Variants in ALPK2 observed in about 807,000 individuals in gnomAD.
ALPK2 encodes the protein alpha kinase 2, also known as alpha-protein kinase 2.
In ALPK2, 127 loss-of-function variants were observed where a neutral mutation model predicts 163.1. That is an observed-to-expected ratio of 0.78 (90% confidence interval 0.67 to 0.90). The LOEUF is 0.90. Ranked by LOEUF, ALPK2 falls within the 40% of genes least tolerant of loss-of-function variation. ALPK2 has a pLI of 0.00. For synonymous variants in ALPK2, 953 were observed against 959.1 expected (o/e 0.99, Z 0.12); for missense variants, 2,360 against 2,589.6 (o/e 0.91, Z 1.92).
In ALPK2 at chr18:58,497,545, CTAAT is replaced by C. The variant is rs2051407076; in HGVS notation, c.6296+500_6296+503del. The stretch of plus-strand genomic sequence containing the variant: ...TAAAGCCATCATCAAAAACAGGTAA[CTAAT>C]CACAGCTCTGCCAGAGACATTGCCT... On this transcript the variant is annotated intron_variant, in intron 12 of 12. Transcript: ENST00000361673. Among the ~76,000 whole-genome samples the C allele has an allele frequency of 2.6e-5, 4 of 152,338 alleles. No individual in the cohort carries two copies. In the South Asian group the frequency reaches 8.3e-4, roughly 32 times the overall value.
intron 3 of ALPK2, among the ~76,000 whole-genome samples, chr18:58,597,930 A>G (rs1181062448): frequency 6.6e-6 from 1 of 152,252 alleles, no homozygotes; most frequent in Non-Finnish European, 1.5e-5. Context: ...ATGTGAGAAC[A>G]TAGTGAGAAG....
At chr18:58,539,240 A>G (rs2051676914) in intron 4 of ALPK2, among the ~76,000 whole-genome samples, 1 of 152,162 alleles carries the variant, frequency 6.6e-6, no homozygotes, top group Admixed American at 6.5e-5. Flanking sequence ...AACATCCCAG[A>G]ATGTATCCCA....
chr18:58,527,326 T>C (rs1184006674), intron 6 of ALPK2, among the ~76,000 whole-genome samples: 2 of 152,194 alleles, frequency 1.3e-5, no homozygotes, highest in African/African-American at 2.4e-5. Flanking sequence ...AATAAACAAA[T>C]GAATTATAAC....
At chr18:58,591,962 C>T (rs1246913394) in intron 3 of ALPK2, among the ~76,000 whole-genome samples, 2 of 152,148 alleles carry the variant, frequency 1.3e-5, no homozygotes, top group Non-Finnish European at 2.9e-5. Flanking sequence ...GTTTTCCATC[C>T]CATACTAAGG....
chr18:58,495,569 G>A (rs1047863102), intron 12 of ALPK2, among the ~76,000 whole-genome samples: 2 of 152,096 alleles, frequency 1.3e-5, no homozygotes, highest in Admixed American at 6.5e-5. Flanking sequence ...GCTCCCAGTC[G>A]GTCTGGGTTC....
In ALPK2 at chr18:58,537,904, G is replaced by C; in HGVS notation, c.2283C>G (p.Pro761=). The change falls in exon 5 of 13, where the codon CCC becomes CCG. Residue 761 remains proline, a synonymous_variant. Transcript: ENST00000361673. ...CCCTGAAGTCAGCACGAGCATCCTT[G>C]GGGAGATGCCTTGAGAACACACCTG... ...MSPGVFSRHL[P]KDARADFREP... is the part of the protein sequence containing the mutation. The C allele has an allele frequency of 1.9e-6, 3 of 1,614,188 alleles. No homozygotes were observed. Among genetic ancestry groups the C allele is most frequent in the Non-Finnish European group, 2.5e-6 (3 of 1,180,032 alleles).
intron 9 of ALPK2, 135 bp downstream of exon 9, chr18:58,516,773 A>G: frequency 9.2e-7 from 1 of 1,091,076 alleles, no homozygotes; most frequent in South Asian, 1.6e-5. Context: ...CAGCATTGAG[A>G]TTGAATTGAA....
chr18:58,509,113 CTA>C (rs1337540832), intron 10 of ALPK2, among the ~76,000 whole-genome samples: 2 of 146,126 alleles, frequency 1.4e-5, no homozygotes, highest in Non-Finnish European at 3.0e-5. Context: ...CAATTCCCAA[CTA>C]TGAATGAGAA....
At chr18:58,482,827 G>A (rs1030719384) in intron 12 of ALPK2, among the ~76,000 whole-genome samples, 2 of 152,158 alleles carry the variant, frequency 1.3e-5, no homozygotes, top group African/African-American at 4.8e-5. Flanking sequence ...ATGGACAGCT[G>A]CCCAGCCCCT....
chr18:58,622,693 C>G (rs2052208186), intron 1 of ALPK2, among the ~76,000 whole-genome samples: 1 of 152,208 alleles, frequency 6.6e-6, no homozygotes, highest in South Asian at 2.1e-4. Context: ...GCCGACTGCT[C>G]TGTCCAGTCT....
rs1233526630 is a variant in ALPK2 at position 58,579,434 on chromosome 18, TC to T, written c.1341del (p.Arg448AspfsTer44). ...TCGGGAGCAGTGGGGAGTTTATATCTCCCCTGTTCTGTCACTGAAGACGTTC... is the reference window on the plus strand; with the variant it reads ...TCGGGAGCAGTGGGGAGTTTATATCTCCCTGTTCTGTCACTGAAGACGTTC... ...QDGTSSVTEQ[G>X]RYKLPTAPEA... On this transcript the variant is annotated frameshift_variant, in exon 4 of 13. Coordinates refer to ENST00000361673, the MANE Select transcript of ALPK2 (RefSeq NM_052947.4). LOFTEE classifies it high-confidence loss of function. The T allele has an allele frequency of 6.2e-7, 1 of 1,613,948 alleles. No individual in the cohort carries two copies. Among genetic ancestry groups the T allele is most frequent in the East Asian group, 2.2e-5 (1 of 44,886 alleles).
intron 4 of ALPK2, 81 bp downstream of exon 4, chr18:58,578,733 G>GACACACACGCGCGCGCGCGCGCACAC: frequency 3.8e-6 from 2 of 530,150 alleles, no homozygotes; most frequent in South Asian, 2.8e-5. Context: ...TAAAGGAAGA[G>GACACACACGCGCGCGCGCGCGCACAC]ACACACACAC....
At chr18:58,485,362 G>T (rs2051333200) in intron 12 of ALPK2, among the ~76,000 whole-genome samples, 1 of 152,160 alleles carries the variant, frequency 6.6e-6, no homozygotes, top group Non-Finnish European at 1.5e-5. Flanking sequence ...TGCAATCCAA[G>T]CTGGGTTTTT....
intron 10 of ALPK2, among the ~76,000 whole-genome samples, chr18:58,512,918 TGATGTGTGG>T (rs1174023645): frequency 9.1e-4 from 82 of 89,998 alleles, no homozygotes; most frequent in African/African-American, 1.6e-3. Context: ...GGTGTATGTG[TGATGTGTGG>T]GGTGTGTGGG....
At chr18:58,587,586 A>T (rs768338630) in intron 3 of ALPK2, among the ~76,000 whole-genome samples, 15 of 152,238 alleles carry the variant, frequency 9.9e-5, no homozygotes, top group Admixed American at 2.0e-4. Context: ...AGAGATTTAA[A>T]ATTACAGTAA....
intron 2 of ALPK2, among the ~76,000 whole-genome samples, chr18:58,607,755 G>C (rs1162548734): frequency 6.6e-6 from 1 of 152,154 alleles, no homozygotes; most frequent in African/African-American, 2.4e-5. Context: ...GCAAAGATAT[G>C]AATAGTATCT....
intron 3 of ALPK2, among the ~76,000 whole-genome samples, chr18:58,603,530 C>T (rs1288149406): frequency 6.6e-6 from 1 of 152,176 alleles, no homozygotes; most frequent in Non-Finnish European, 1.5e-5. Context: ...CTGGTGCTTC[C>T]TCCGCCCCCT....
chr18:58,611,490 T>G (rs912981865), intron 2 of ALPK2, among the ~76,000 whole-genome samples, 199 bp downstream of exon 2: 1 of 152,174 alleles, frequency 6.6e-6, no homozygotes, highest in African/African-American at 2.4e-5. Context: ...TAAAGATCAC[T>G]AAATCGTGTC....
intron 1 of ALPK2, among the ~76,000 whole-genome samples, chr18:58,614,916 C>G (rs369844195): frequency 1.1e-4 from 17 of 152,298 alleles, no homozygotes; most frequent in South Asian, 6.2e-4. Context: ...ACCCTCCCCC[C>G]CAACACACAC....
Sources: gnomAD v4.1 joint callset for allele counts (sites outside exome capture counted in the v4.1 genomes callset) on GRCh38, gnomAD v4.1.1 for gene constraint, MANE v1.5 for transcripts, NCBI Gene and HGNC (gene_info 2026-07-23, HGNC 2026-07-21) for gene names.